Variants in MARCHF10 observed in about 807,000 individuals in gnomAD.
The protein encoded by MARCHF10 is membrane associated ring-CH-type finger 10.
In MARCHF10, 64 loss-of-function variants were observed where a neutral mutation model predicts 76.2. The ratio of observed to expected loss-of-function variants is 0.84; its 90% CI spans 0.69 to 1.03. The LOEUF is 1.03. Ranked by LOEUF, MARCHF10 falls within the 50% of genes least tolerant of loss-of-function variation. MARCHF10 has a pLI of 0.00. For synonymous variants in MARCHF10, 340 were observed against 357.5 expected, an observed-to-expected ratio of 0.95 and a Z score of 0.55; for missense variants, 875 against 958.0, an observed-to-expected ratio of 0.91 and a Z score of 1.14.
intron 3 of MARCHF10, among the ~76,000 whole-genome samples, chr17:62,764,086 A>G (rs2092272943): frequency 6.6e-6 from 1 of 152,134 alleles, no homozygotes; most frequent in Non-Finnish European, 1.5e-5. Flanking sequence ...TGGGTTGAGA[A>G]GGGGGATGAA....
chr17:62,706,825 G>A (rs1183766353), intron 9 of MARCHF10, among the ~76,000 whole-genome samples: 3 of 152,170 alleles, frequency 2.0e-5, no homozygotes, highest in African/African-American at 4.8e-5. Context: ...GCCAGGACAC[G>A]GGGGATGGGG....
intron 2 of MARCHF10, among the ~76,000 whole-genome samples, chr17:62,795,637 C>T (rs901519479): frequency 5.3e-5 from 8 of 152,164 alleles, no homozygotes; most frequent in African/African-American, 1.9e-4. Flanking sequence ...TGCTGCATAC[C>T]AACACTTAGC....
chr17:62,715,499 G>A (rs9914872), intron 8 of MARCHF10, among the ~76,000 whole-genome samples: 57,491 of 152,112 alleles, frequency 0.38, 11,053 homozygotes, highest in African/African-American at 0.44. Flanking sequence ...GCATGCTGCT[G>A]TCCAGGAGTT....
At chr17:62,787,267 T>C (rs558473926) in intron 3 of MARCHF10, among the ~76,000 whole-genome samples, 2 of 152,276 alleles carry the variant, frequency 1.3e-5, no homozygotes, top group South Asian at 4.1e-4. Context: ...TCTATAAACA[T>C]CAATCACTGA....
At chr17:62,791,736 C>G (rs1026395529) in intron 2 of MARCHF10, among the ~76,000 whole-genome samples, 1 of 152,058 alleles carries the variant, frequency 6.6e-6, no homozygotes, top group African/African-American at 2.4e-5. Context: ...GTCGTAGAAG[C>G]AGCAAGAACC....
intron 10 of MARCHF10, chr17:62,705,220 C>T: frequency 7.7e-7 from 1 of 1,293,760 alleles, no homozygotes; most frequent in African/African-American, 1.5e-5. Context: ...CCAAACTCTC[C>T]AAGTGCTGGA....
chr17:62,759,766 C>G (rs747951610), intron 4 of MARCHF10, 69 bp downstream of exon 4: 2 of 1,513,940 alleles, frequency 1.3e-6, no homozygotes, highest in African/African-American at 2.8e-5. Context: ...CCACCGTGCT[C>G]GGCCTGTTGT....
At chr17:62,788,257 G>A (rs1282098662) in intron 3 of MARCHF10, among the ~76,000 whole-genome samples, 2 of 152,196 alleles carry the variant, frequency 1.3e-5, no homozygotes, top group Admixed American at 6.5e-5. Flanking sequence ...ACCATAGTGA[G>A]GTGTGAAGAC....
chr17:62,763,658 T>C (rs780144141), intron 3 of MARCHF10, among the ~76,000 whole-genome samples: 5 of 152,060 alleles, frequency 3.3e-5, no homozygotes, highest in Non-Finnish European at 5.9e-5. Flanking sequence ...TGCTATTCCT[T>C]TGGGGGACGA....
chr17:62,789,247 T>C (rs923821361), intron 2 of MARCHF10, among the ~76,000 whole-genome samples: 62 of 152,180 alleles, frequency 4.1e-4, no homozygotes, highest in Admixed American at 3.1e-3. Flanking sequence ...ATTCTCTTCA[T>C]GGCCCCTCCC....
At chr17:62,739,005 A>G (rs1211755968) in intron 5 of MARCHF10, among the ~76,000 whole-genome samples, 1 of 152,190 alleles carries the variant, frequency 6.6e-6, no homozygotes, top group African/African-American at 2.4e-5. Context: ...AATTTTTTAA[A>G]ATAGAAAAGG....
intron 6 of MARCHF10, among the ~76,000 whole-genome samples, chr17:62,729,116 T>TA (rs200040299): frequency 1.3e-5 from 2 of 152,212 alleles, no homozygotes; most frequent in African/African-American, 4.8e-5. Context: ...TTTATTTATT[T>TA]TTTTTTTGTA....
At chr17:62,774,971 T>C (rs2092520527) in intron 3 of MARCHF10, among the ~76,000 whole-genome samples, 1 of 151,804 alleles carries the variant, frequency 6.6e-6, no homozygotes, top group South Asian at 2.1e-4. Flanking sequence ...AGAGAATCAC[T>C]TGAACCTCGG....
Position 62,710,550 on chromosome 17 carries a change from C to CTTT in MARCHF10, c.2328+678_2328+680dup, listed in dbSNP as rs552647502. 6.6e-3 allele frequency among the ~76,000 whole-genome samples: 584 copies of CTTT among 88,620 alleles called. 44 individuals carry two copies. Among genetic ancestry groups the CTTT allele is most frequent in the African/African-American group, 0.027 (541 of 19,814 alleles). 58.1% of individuals were successfully genotyped at this position (88,620 alleles called of 152,430 possible). A position where few individuals can be genotyped will look rare whatever the true frequency, so the allele number is the denominator to read the frequency against. ...CTTATGACTAACAGTTTGAACCCAG[C>CTTT]TTTTTTTTTTTTTTTTTTTTTTTTT... On this transcript the variant is annotated intron_variant, in intron 9 of 10. Coordinates refer to ENST00000311269, the MANE Select transcript of MARCHF10 (RefSeq NM_152598.4).
At chr17:62,776,600 T>G (rs1390539425) in intron 3 of MARCHF10, among the ~76,000 whole-genome samples, 1 of 152,192 alleles carries the variant, frequency 6.6e-6, no homozygotes, top group Non-Finnish European at 1.5e-5. Flanking sequence ...CTGCTGAAGA[T>G]CTCCAGCACC....
chr17:62,733,579 TTCCAC>T (rs769116657), intron 6 of MARCHF10, among the ~76,000 whole-genome samples: 14 of 152,026 alleles, frequency 9.2e-5, no homozygotes, highest in Non-Finnish European at 1.6e-4. Flanking sequence ...AGCCCAGCTC[TTCCAC>T]TCCTAGACAA....
intron 2 of MARCHF10, among the ~76,000 whole-genome samples, chr17:62,794,593 T>G (rs962272395): frequency 6.6e-6 from 1 of 152,142 alleles, no homozygotes; most frequent in African/African-American, 2.4e-5. Flanking sequence ...GCTCTCTGAG[T>G]CCATAGTTGT....
intron 5 of MARCHF10, chr17:62,737,851 C>A (rs979660549): frequency 2.0e-5 from 3 of 152,596 alleles, no homozygotes; most frequent in African/African-American, 7.2e-5. Flanking sequence ...GGAGCTGGCG[C>A]CCGGGGAACA....
chr17:62,777,728 GA>G lies in MARCHF10; in HGVS notation c.210+10751del, dbSNP rs60003248. On this transcript the variant is annotated intron_variant, in intron 3 of 10. Coordinates refer to ENST00000311269, the MANE Select transcript of MARCHF10 (RefSeq NM_152598.4). ...GACTCCATCTCAAAAAAAAAAAAAA[GA>G]AAAAAAAAAAGAAAAGTAGGTATAA... 2.1e-3 allele frequency among the ~76,000 whole-genome samples: 269 copies of G among 127,398 alleles called. 6 individuals are homozygous for G. Among genetic ancestry groups the G allele is most frequent in the Middle Eastern group, 0.018 (4 of 224 alleles). The allele number at this position is 127,398 out of a possible 152,430, so 83.6% of individuals were successfully genotyped here. A position where few individuals can be genotyped will look rare whatever the true frequency, so the allele number is the denominator to read the frequency against.
Sources: gnomAD v4.1 joint callset for allele counts (sites outside exome capture counted in the v4.1 genomes callset) on GRCh38, gnomAD v4.1.1 for gene constraint, MANE v1.5 for transcripts, NCBI Gene and HGNC (gene_info 2026-07-23, HGNC 2026-07-21) for gene names.